CAMKK2: variants seen among roughly 807,000 people sequenced by gnomAD.
CAMKK2 encodes the protein calcium/calmodulin dependent protein kinase kinase 2.
In CAMKK2, 30 loss-of-function variants were observed where a neutral mutation model predicts 67.2. The ratio of observed to expected loss-of-function variants is 0.45; its 90% CI spans 0.33 to 0.61. The LOEUF (loss-of-function observed/expected upper bound fraction) is 0.61. CAMKK2 is among the 20% of genes least tolerant of loss of function. The probability of loss-of-function intolerance (pLI) is 0.02; values close to 1 mark genes in which losing one functional copy is unlikely to be tolerated. For synonymous variants in CAMKK2, 322 were observed against 326.2 expected (o/e 0.99, Z 0.14); for missense variants, 643 against 802.0 (o/e 0.80, Z 2.39).
rs1011729138 is a variant in CAMKK2 at position 121,252,458 on chromosome 12, C to T, written c.1161+203G>A. On this transcript the variant is annotated intron_variant, in intron 11 of 16. Coordinates refer to ENST00000404169, the MANE Select transcript of CAMKK2 (RefSeq NM_001270485.2). ...TAATTTTTTGTATTTTTAGTAAAGA[C>T]GGGGTTTCACCATGTTGGCCAAGCT... 8.5e-5 allele frequency among the ~76,000 whole-genome samples: 13 copies of T among 152,114 alleles called. 1 individual carries two copies. The highest frequency in any genetic ancestry group is 2.6e-4 in the Admixed American group (4 of 15,274).
chr12:121,292,994 A>C (rs187386997), intron 1 of CAMKK2, among the ~76,000 whole-genome samples: 1 of 150,864 alleles, frequency 6.6e-6, no homozygotes, highest in African/African-American at 2.4e-5. Flanking sequence ...AGAAAAAAAA[A>C]GCTGGGCGCC....
At chr12:121,290,824 G>GT (rs1470882586) in intron 1 of CAMKK2, among the ~76,000 whole-genome samples, 7 of 151,984 alleles carry the variant, frequency 4.6e-5, no homozygotes, top group Non-Finnish European at 7.4e-5. Flanking sequence ...TTGTTTTGTG[G>GT]TTTTTTCTTT....
chr12:121,278,730 A>G (rs1281376074), intron 1 of CAMKK2, among the ~76,000 whole-genome samples: 1 of 152,234 alleles, frequency 6.6e-6, no homozygotes, highest in Non-Finnish European at 1.5e-5. Context: ...AAGTGGAACT[A>G]TAAGTCCAGT....
At chr12:121,258,793 G>A (rs184737115) in intron 7 of CAMKK2, among the ~76,000 whole-genome samples, 17 of 150,486 alleles carry the variant, frequency 1.1e-4, no homozygotes, top group South Asian at 4.2e-4. Context: ...CATTCCACCC[G>A]TCAGCTCAAA....
Position 121,253,150 on chromosome 12 carries a change from C to A in CAMKK2, c.1107+123G>T, listed in dbSNP as rs1424891751. On this transcript the variant is annotated intron_variant, in intron 10 of 16. Transcript: ENST00000404169. This position sits in a 1 kb window ranked among gnomAD's most constrained non-coding sequence, Gnocchi z 5.0. Reference sequence around the variant, plus strand: ...GGATCTAGCCAAGCCTGAAGCCTACCCCTCAGTATCTTGATCCAGGGGATT... The same window carrying A: ...GGATCTAGCCAAGCCTGAAGCCTACACCTCAGTATCTTGATCCAGGGGATT... 2 of 795,176 alleles carry A rather than the reference C, an allele frequency of 2.5e-6. No individual in the cohort carries two copies. The highest frequency in any genetic ancestry group is 5.4e-5 in the East Asian group (2 of 37,336). 49.3% of individuals were successfully genotyped at this position (795,176 alleles called of 1,614,324 possible).
At chr12:121,244,469 G>A in intron 16 of CAMKK2, 104 bp downstream of exon 16, 1 of 1,124,168 alleles carries the variant, frequency 8.9e-7, no homozygotes, top group Non-Finnish European at 1.3e-6. Flanking sequence ...AGCCCAGGCT[G>A]GAAGGAGCAT....
At chr12:121,287,720 A>T (rs1340889343) in intron 1 of CAMKK2, among the ~76,000 whole-genome samples, 1 of 152,208 alleles carries the variant, frequency 6.6e-6, no homozygotes, top group Non-Finnish European at 1.5e-5. Context: ...CTATAATGCT[A>T]GTGCTTTGGG....
intron 1 of CAMKK2, among the ~76,000 whole-genome samples, chr12:121,275,901 C>T (rs749347720): frequency 3.9e-5 from 6 of 152,178 alleles, no homozygotes; most frequent in Non-Finnish European, 7.3e-5. Context: ...GCAGCTCACG[C>T]CTGTAATCTC....
At chr12:121,264,863 C>G (rs543984286) in intron 5 of CAMKK2, among the ~76,000 whole-genome samples, 1 of 151,256 alleles carries the variant, frequency 6.6e-6, no homozygotes, top group South Asian at 2.1e-4. Flanking sequence ...CCCAGTTACT[C>G]AAGAGGCTGG....
At chr12:121,259,424 TG>T (rs1200946890) in intron 7 of CAMKK2, among the ~76,000 whole-genome samples, 2 of 152,310 alleles carry the variant, frequency 1.3e-5, no homozygotes, top group African/African-American at 4.8e-5. Flanking sequence ...TAACATTTGT[TG>T]AATGAACAAA....
intron 9 of CAMKK2, among the ~76,000 whole-genome samples, chr12:121,255,290 T>TTATATATATATAATTATATATAATTA (rs377424483): frequency 1.3e-3 from 5 of 3,810 alleles, no homozygotes; most frequent in Admixed American, 7.1e-3. Flanking sequence ...ATATATATAA[T>TTATATATATATAATTATATATAATTA]TATATATATA....
In CAMKK2 at chr12:121,274,007, G is replaced by A. The variant is rs1393231266; in HGVS notation, c.471+49C>T. Reference sequence around the variant, plus strand: ...CCACAGAGGCCCTGCTGGGGGCAGGGAAGGGCACCAGGGACCCCTAGGACC... The same window carrying A: ...CCACAGAGGCCCTGCTGGGGGCAGGAAAGGGCACCAGGGACCCCTAGGACC... On this transcript the variant is annotated intron_variant, in intron 2 of 16. Transcript: ENST00000404169. 7 of 1,340,872 alleles carry A rather than the reference G, an allele frequency of 5.2e-6. 1 individual carries two copies. In the South Asian group the frequency reaches 1.1e-4, roughly 21 times the overall value. The allele number at this position is 1,340,872 out of a possible 1,614,324, so 83.1% of individuals were successfully genotyped here.
intron 1 of CAMKK2, among the ~76,000 whole-genome samples, chr12:121,284,442 A>G (rs775402262): frequency 2.6e-5 from 4 of 152,022 alleles, no homozygotes; most frequent in Non-Finnish European, 4.4e-5. Flanking sequence ...CTCCTGCTTC[A>G]GCTTCCCAAG....
At chr12:121,248,833 A>G (rs1890048772) in intron 13 of CAMKK2, 99 bp from the exon 14 acceptor site, 6 of 1,441,762 alleles carry the variant, frequency 4.2e-6, no homozygotes, top group Non-Finnish European at 5.8e-6. Flanking sequence ...ACGGAGAGGC[A>G]AGGGCCTGTG....
chr12:121,296,923 G>A (rs1202834088), upstream of CAMKK2, among the ~76,000 whole-genome samples: 1 of 151,596 alleles, frequency 6.6e-6, no homozygotes, highest in Non-Finnish European at 1.5e-5. The surrounding 1 kb of genome is among the most constrained non-coding windows in gnomAD (Gnocchi z 7.1). Flanking sequence ...GGGGAGGGGT[G>A]GGGAGGCGGG....
chr12:121,279,659 G>A (rs1897391645), intron 1 of CAMKK2, among the ~76,000 whole-genome samples: 1 of 152,142 alleles, frequency 6.6e-6, no homozygotes, highest in Non-Finnish European at 1.5e-5. Flanking sequence ...TTGCAAAGTT[G>A]CTTGGATTTG....
At chr12:121,279,832 G>A (rs1897435636) in intron 1 of CAMKK2, among the ~76,000 whole-genome samples, 1 of 152,242 alleles carries the variant, frequency 6.6e-6, no homozygotes. Flanking sequence ...CAGGATGAGG[G>A]AAACGCTCCT....
rs543524245 is a variant in CAMKK2, at chr12:121,285,591, T to C, written c.-59-11006A>G. On this transcript the variant is annotated intron_variant, in intron 1 of 16. Coordinates refer to ENST00000404169, the MANE Select transcript of CAMKK2 (RefSeq NM_001270485.2). This position sits in a 1 kb window ranked among gnomAD's most constrained non-coding sequence, Gnocchi z 4.1. ...TGGAAGTCTGAGGTGGGCAGATCCC[T>C]TGAGCCCAGGAGTTTGAGACCAGCC... 1.1e-3 allele frequency among the ~76,000 whole-genome samples: 169 copies of C among 152,188 alleles called. No homozygotes were observed. Among genetic ancestry groups the C allele is most frequent in the Middle Eastern group, 3.4e-3 (1 of 294 alleles).
At chr12:121,243,845 G>T in intron 16 of CAMKK2, 1 of 1,322,014 alleles carries the variant, frequency 7.6e-7, no homozygotes, top group Non-Finnish European at 9.7e-7. Context: ...TTAAGAAACA[G>T]AAGTGACTGC....
Sources: gnomAD v4.1 joint callset for allele counts (sites outside exome capture counted in the v4.1 genomes callset) on GRCh38, gnomAD v4.1.1 for gene constraint, Gnocchi (gnomAD v3.1) non-coding constraint, MANE v1.5 for transcripts, NCBI Gene and HGNC (gene_info 2026-07-23, HGNC 2026-07-21) for gene names.